The following CYB5R4 variants were observed in gnomAD, a reference collection of about 807,000 sequenced individuals.
The protein encoded by CYB5R4 is N-terminal cytochrome b5 and cytochrome b5 oxidoreductase domain-containing protein.
In CYB5R4, 55 loss-of-function variants were observed where a neutral mutation model predicts 70.2. That is an observed-to-expected ratio of 0.78 (90% CI 0.63 to 0.98). CYB5R4 has a LOEUF of 0.98. CYB5R4 is among the 50% of genes least tolerant of loss of function. The probability of loss-of-function intolerance (pLI) is 0.00; values close to 1 mark genes in which losing one functional copy is unlikely to be tolerated. For missense variants in CYB5R4, 562 were observed against 612.6 expected (o/e 0.92, Z 0.87); for synonymous variants, 197 against 199.5 (o/e 0.99, Z 0.11).
At chr6:83,940,003 GTTTTGTTTTTTGT>G in intron 12 of CYB5R4, 40 bp from the exon 13 acceptor site, 1 of 1,383,834 alleles carries the variant, frequency 7.2e-7, no homozygotes, top group Non-Finnish European at 9.8e-7. Flanking sequence ...TGGGTTTTTT[GTTTTGTTTTTTGT>G]TTTTTTTTTT....
At chr6:83,870,977 T>TTTC (rs2099457517) in intron 2 of CYB5R4, among the ~76,000 whole-genome samples, 1 of 145,004 alleles carries the variant, frequency 6.9e-6, no homozygotes, top group African/African-American at 2.6e-5. Context: ...TTTGCTTTTT[T>TTTC]TTTTTTTTTT....
chr6:83,864,389 A>T, intron 2 of CYB5R4, 61 bp downstream of exon 2: 1 of 1,414,108 alleles, frequency 7.1e-7, no homozygotes, highest in Non-Finnish European at 9.7e-7. Context: ...TTATGATGTT[A>T]CATAACCTCA....
intron 14 of CYB5R4, among the ~76,000 whole-genome samples, chr6:83,948,907 G>A (rs73477151): frequency 3.3e-5 from 5 of 151,866 alleles, no homozygotes; most frequent in Non-Finnish European, 5.9e-5. Flanking sequence ...GCTTGCTGAC[G>A]GAAGTGATAG....
In CYB5R4 at chr6:83,859,747, C is replaced by A; in HGVS notation, c.-36C>A. 6.2e-7 allele frequency: 1 copy of A among 1,607,584 alleles called. No individual in the cohort carries two copies. Among genetic ancestry groups the A allele is most frequent in the South Asian group, 1.1e-5 (1 of 90,542 alleles). On this transcript the variant is annotated 5_prime_UTR_variant, in exon 1 of 16. Coordinates refer to ENST00000369681, the MANE Select transcript of CYB5R4 (RefSeq NM_016230.4). Reference sequence around the variant, plus strand: ...CTGGAGGTGCTGTCCCGTCTGGCGGCGATCCCCGGGCAGGGCCCGGGGCCG... The same window carrying A: ...CTGGAGGTGCTGTCCCGTCTGGCGGAGATCCCCGGGCAGGGCCCGGGGCCG...
At chr6:83,930,105 A>G (rs1357422607) in intron 10 of CYB5R4, among the ~76,000 whole-genome samples, 3 of 152,226 alleles carry the variant, frequency 2.0e-5, no homozygotes, top group Non-Finnish European at 4.4e-5. Flanking sequence ...ACAGTATATT[A>G]CTAAAAAATG....
chr6:83,890,450 G>C (rs1172167471), intron 2 of CYB5R4, among the ~76,000 whole-genome samples: 1 of 152,158 alleles, frequency 6.6e-6, no homozygotes, highest in Non-Finnish European at 1.5e-5. Flanking sequence ...ATGAAGAGTA[G>C]CTTCTTAGGG....
chr6:83,884,869 G>A (rs1040406136), intron 2 of CYB5R4, among the ~76,000 whole-genome samples: 10 of 152,006 alleles, frequency 6.6e-5, no homozygotes, highest in Non-Finnish European at 1.3e-4. Context: ...ATATAATGTG[G>A]GGCTTTTAGA....
intron 3 of CYB5R4, among the ~76,000 whole-genome samples, chr6:83,897,361 T>A: frequency 6.6e-6 from 1 of 152,242 alleles, no homozygotes; most frequent in Admixed American, 6.5e-5. Context: ...TAAACATACA[T>A]GTGCATGTGT....
chr6:83,927,682 C>T (rs1411812645), intron 10 of CYB5R4, among the ~76,000 whole-genome samples: 2 of 152,206 alleles, frequency 1.3e-5, no homozygotes, highest in Non-Finnish European at 2.9e-5. Flanking sequence ...ACCCTCCAAA[C>T]ATTTTCATGT....
chr6:83,900,042 C>T (rs2099462632), intron 3 of CYB5R4, among the ~76,000 whole-genome samples: 1 of 152,064 alleles, frequency 6.6e-6, no homozygotes, highest in African/African-American at 2.4e-5. Context: ...TTCTCTAGTT[C>T]TTTTAATTGT....
At chr6:83,870,191 G>A (rs563735742) in intron 2 of CYB5R4, among the ~76,000 whole-genome samples, 126 of 152,278 alleles carry the variant, frequency 8.3e-4, no homozygotes, top group Non-Finnish European at 1.5e-3. Context: ...TAGTAGCAAT[G>A]GGTCAGTATT....
At chr6:83,957,862 T>C (rs2099472671) in intron 15 of CYB5R4, among the ~76,000 whole-genome samples, 1 of 152,156 alleles carries the variant, frequency 6.6e-6, no homozygotes, top group South Asian at 2.1e-4. Flanking sequence ...GTAGCTGCCC[T>C]TGTGACTCTC....
intron 9 of CYB5R4, 149 bp downstream of exon 9, chr6:83,922,619 CTT>C (rs58965806): frequency 1.8e-6 from 1 of 546,552 alleles, no homozygotes; most frequent in East Asian, 3.2e-5. Context: ...GATGTTTTCT[CTT>C]TTTTTTTTAA....
At chr6:83,875,253 CA>C (rs1194280161) in intron 2 of CYB5R4, among the ~76,000 whole-genome samples, 2 of 152,040 alleles carry the variant, frequency 1.3e-5, no homozygotes, top group Non-Finnish European at 2.9e-5. Flanking sequence ...TTGATATGTG[CA>C]AAACTTTTTA....
chr6:83,889,747 A>G (rs1329458380), intron 2 of CYB5R4, among the ~76,000 whole-genome samples: 2 of 152,242 alleles, frequency 1.3e-5, no homozygotes, highest in Non-Finnish European at 2.9e-5. Context: ...CAAGCTATAC[A>G]GGAAACAGTG....
intron 3 of CYB5R4, among the ~76,000 whole-genome samples, chr6:83,897,699 G>A (rs2099462137): frequency 6.6e-6 from 1 of 152,160 alleles, no homozygotes; most frequent in African/African-American, 2.4e-5. Flanking sequence ...ATCTTCTTTT[G>A]AGAAGTGTCT....
chr6:83,920,622 G>A (rs1169422717), intron 7 of CYB5R4, among the ~76,000 whole-genome samples: 3 of 151,568 alleles, frequency 2.0e-5, no homozygotes, highest in African/African-American at 7.3e-5. Context: ...TTAGTGAATT[G>A]ATTTTTTTTA....
intron 1 of CYB5R4, among the ~76,000 whole-genome samples, chr6:83,861,621 G>A (rs1410120227): frequency 6.6e-6 from 1 of 152,166 alleles, no homozygotes; most frequent in Non-Finnish European, 1.5e-5. Flanking sequence ...TGTCTAAATG[G>A]TCCCAGTCTG....
intron 13 of CYB5R4, 70 bp downstream of exon 13, chr6:83,940,276 A>G (rs961983650): frequency 3.6e-6 from 5 of 1,385,504 alleles, no homozygotes; most frequent in Admixed American, 2.4e-5. Flanking sequence ...TTCTAAATTG[A>G]TTACTCACTG....
Sources: gnomAD v4.1 joint callset for allele counts (sites outside exome capture counted in the v4.1 genomes callset) on GRCh38, gnomAD v4.1.1 for gene constraint, MANE v1.5 for transcripts, NCBI Gene and HGNC (gene_info 2026-07-23, HGNC 2026-07-21) for gene names.